ROR1: variants seen among roughly 807,000 people sequenced by gnomAD.
ROR1 encodes ROR family WNT receptor 1.
A neutral mutation model predicts 78.8 loss-of-function variants in ROR1; 19 were observed. The ratio of observed to expected loss-of-function variants is 0.24; its 90% CI spans 0.17 to 0.35. The LOEUF (loss-of-function observed/expected upper bound fraction) is 0.35, where lower values mean the gene tolerates loss of function less well. Ranked by LOEUF, ROR1 falls within the 10% of genes least tolerant of loss-of-function variation. The pLI, the probability that ROR1 is intolerant of heterozygous loss-of-function variation, is 1.00. For synonymous variants in ROR1, 386 were observed against 433.6 expected, an observed-to-expected ratio of 0.89 and a Z score of 1.36; for missense variants, 917 against 1,177.8, an observed-to-expected ratio of 0.78 and a Z score of 3.24.
At chr1:63,967,672 A>C (rs1223136519) in intron 1 of ROR1, among the ~76,000 whole-genome samples, 12 of 152,226 alleles carry the variant, frequency 7.9e-5, no homozygotes, top group Admixed American at 7.9e-4. Flanking sequence ...GACCTGCCCC[A>C]GTCCTAATTC....
Position 63,866,237 on chromosome 1 carries a change from GT to G in ROR1, c.91+91730del, listed in dbSNP as rs1645214753. The stretch of plus-strand genomic sequence containing the variant: ...GAAATTCTTCACGTCTGGCCTGGAT[GT>G]CTAAGTAAATTTGGTGTACTTCTTG... On this transcript the variant is annotated intron_variant, in intron 1 of 8. Transcript: ENST00000371079. Among the ~76,000 whole-genome samples, 7 of 151,904 alleles carry G rather than the reference GT, an allele frequency of 4.6e-5. No homozygotes were observed. In the South Asian group the frequency reaches 1.5e-3, roughly 32 times the overall value.
intron 1 of ROR1, among the ~76,000 whole-genome samples, chr1:63,899,109 C>T (rs1385561653): frequency 6.6e-6 from 1 of 152,070 alleles, no homozygotes; most frequent in African/African-American, 2.4e-5. Context: ...GCAGCCCAGA[C>T]ACAGTTGTTC....
intron 1 of ROR1, among the ~76,000 whole-genome samples, chr1:63,859,565 A>T (rs4915932): frequency 0.21 from 32,114 of 152,146 alleles, 3,610 homozygotes; most frequent in Middle Eastern, 0.26. Flanking sequence ...TGTTCTCCAG[A>T]TCTGGGATAC....
chr1:64,041,253 A>C (rs888824326), intron 2 of ROR1, among the ~76,000 whole-genome samples: 1 of 152,170 alleles, frequency 6.6e-6, no homozygotes, highest in African/African-American at 2.4e-5. Flanking sequence ...GCCTGATAGA[A>C]TCAGTGCCTA....
intron 1 of ROR1, among the ~76,000 whole-genome samples, chr1:63,876,645 G>GGTGTGTGTGTGTGT (rs367954652): frequency 7.7e-6 from 1 of 130,610 alleles, no homozygotes; most frequent in African/African-American, 3.5e-5. Flanking sequence ...CCACGAAAGG[G>GGTGTGTGTGTGTGT]GTGTGTGTGT....
chr1:63,902,435 A>T (rs1323780327), intron 1 of ROR1, among the ~76,000 whole-genome samples: 1 of 151,500 alleles, frequency 6.6e-6, no homozygotes, highest in Non-Finnish European at 1.5e-5. Context: ...CTCTCACCTC[A>T]GCCTCCTGAA....
chr1:63,862,073 G>A (rs1260678332), intron 1 of ROR1, among the ~76,000 whole-genome samples: 2 of 151,992 alleles, frequency 1.3e-5, no homozygotes, highest in African/African-American at 4.8e-5. Context: ...CTGTCTTACT[G>A]TGAAGTTTCA....
At chr1:64,137,660 TTAAAG>T (rs1403895033) in intron 5 of ROR1, among the ~76,000 whole-genome samples, 164 bp downstream of exon 5, 1 of 152,206 alleles carries the variant, frequency 6.6e-6, no homozygotes, top group African/African-American at 2.4e-5. Flanking sequence ...GGAATTTACA[TTAAAG>T]TAATTTATTG....
chr1:64,028,245 C>G (rs2100565490), intron 2 of ROR1, among the ~76,000 whole-genome samples: 1 of 152,228 alleles, frequency 6.6e-6, no homozygotes, highest in Admixed American at 6.5e-5. Context: ...AGCTATGTGC[C>G]AGTTACTGTG....
chr1:63,996,940 T>C (rs1483437078), intron 1 of ROR1, among the ~76,000 whole-genome samples: 1 of 152,098 alleles, frequency 6.6e-6, no homozygotes, highest in Non-Finnish European at 1.5e-5. Context: ...CCAACCAGGG[T>C]ATGATTATCT....
chr1:63,969,026 A>C (rs929112681), intron 1 of ROR1, among the ~76,000 whole-genome samples: 4 of 152,190 alleles, frequency 2.6e-5, no homozygotes, highest in African/African-American at 9.6e-5. Flanking sequence ...CAAATCCTGG[A>C]TTCTCTAAGC....
intron 1 of ROR1, among the ~76,000 whole-genome samples, chr1:63,892,196 T>C (rs1645402771): frequency 6.6e-6 from 1 of 152,152 alleles, no homozygotes; most frequent in African/African-American, 2.4e-5. Context: ...TTTCCTTGAA[T>C]CTCACAATTG....
At chr1:64,151,379 G>A (rs1048139029) in intron 7 of ROR1, among the ~76,000 whole-genome samples, 2 of 152,138 alleles carry the variant, frequency 1.3e-5, no homozygotes, top group African/African-American at 4.8e-5. Context: ...TTCATCTCTG[G>A]CAAATGACTC....
At chr1:64,012,431 T>C (rs1646483510) in intron 2 of ROR1, among the ~76,000 whole-genome samples, 1 of 152,084 alleles carries the variant, frequency 6.6e-6, no homozygotes, top group East Asian at 1.9e-4. Context: ...CAAACCAAGA[T>C]GGTAACATAA....
rs115744702 is a variant in ROR1 at position 63,987,729 on chromosome 1, G to A, written c.92-21576G>A. On this transcript the variant is annotated intron_variant, in intron 1 of 8. Coordinates refer to ENST00000371079, the MANE Select transcript of ROR1 (RefSeq NM_005012.4). ...CACTTGGCTGGAGCAACTACCTCTG[G>A]CTTCAGTTAGCTATTTACATTCCTC... 6.1e-3 allele frequency among the ~76,000 whole-genome samples: 928 copies of A among 152,200 alleles called. 3 individuals carry two copies. The highest frequency in any genetic ancestry group is 0.01 in the Non-Finnish European group (702 of 68,002).
chr1:63,786,257 T>TTTTC (rs1644686038), intron 1 of ROR1, among the ~76,000 whole-genome samples: 1 of 32,044 alleles, frequency 3.1e-5, no homozygotes, highest in Non-Finnish European at 5.5e-5. Context: ...TACAACTTGA[T>TTTTC]TTTTTTTTTT....
intron 2 of ROR1, among the ~76,000 whole-genome samples, chr1:64,046,450 AAC>A (rs1646786258): frequency 6.6e-6 from 1 of 152,198 alleles, no homozygotes; most frequent in South Asian, 2.1e-4. Context: ...TCTCTCTGGA[AAC>A]ACACTGCTTG....
At chr1:64,092,056 G>A (rs1647202457) in intron 4 of ROR1, among the ~76,000 whole-genome samples, 2 of 151,744 alleles carry the variant, frequency 1.3e-5, no homozygotes, top group South Asian at 2.1e-4. Context: ...GGTGGGTGGC[G>A]GTAGTTGCCC....
At chr1:63,913,584 T>C (rs1192343636) in intron 1 of ROR1, among the ~76,000 whole-genome samples, 1 of 152,212 alleles carries the variant, frequency 6.6e-6, no homozygotes, top group Non-Finnish European at 1.5e-5. Flanking sequence ...CAACCAGCTG[T>C]ACCTTTCTGG....
Sources: gnomAD v4.1 joint callset for allele counts (sites outside exome capture counted in the v4.1 genomes callset) on GRCh38, gnomAD v4.1.1 for gene constraint, MANE v1.5 for transcripts, NCBI Gene and HGNC (gene_info 2026-07-23, HGNC 2026-07-21) for gene names.